Variants in ADAMTSL1 observed in about 807,000 individuals in gnomAD.
ADAMTSL1 encodes the protein ADAMTS-like protein 1.
A neutral mutation model predicts 201.8 loss-of-function variants in ADAMTSL1; 126 were observed. The observed-to-expected ratio is 0.62, with a 90% CI of 0.54 to 0.72. The LOEUF is 0.72. Ranked by LOEUF, ADAMTSL1 falls within the 30% of genes least tolerant of loss-of-function variation. The probability of loss-of-function intolerance (pLI) is 0.00; values close to 1 mark genes in which losing one functional copy is unlikely to be tolerated. For missense variants in ADAMTSL1, 2,679 were observed against 2,277.8 expected (o/e 1.18, Z -3.59); for synonymous variants, 1,121 against 903.4 (o/e 1.24, Z -4.32).
chr9:18,602,357 A>G (rs1171967687), intron 4 of ADAMTSL1, among the ~76,000 whole-genome samples: 2 of 152,244 alleles, frequency 1.3e-5, no homozygotes, highest in Non-Finnish European at 2.9e-5. Flanking sequence ...TCTTTAGCCA[A>G]AAGTTCACCA....
intron 1 of ADAMTSL1, among the ~76,000 whole-genome samples, chr9:18,036,343 A>G (rs997614519): frequency 2.0e-5 from 3 of 152,158 alleles, no homozygotes; most frequent in African/African-American, 7.2e-5. Context: ...TTCTCCGTAT[A>G]CTCTGCATTA....
chr9:17,977,126 T>A (rs1320114376), intron 1 of ADAMTSL1, among the ~76,000 whole-genome samples: 3 of 152,142 alleles, frequency 2.0e-5, no homozygotes, highest in Non-Finnish European at 4.4e-5. Flanking sequence ...TGTATCACAT[T>A]TATTGGTTTG....
chr9:18,906,816 C>T lies in ADAMTSL1; in HGVS notation c.5086C>T (p.His1696Tyr). The part of the protein sequence containing the change: ...GFQSRRVECV[H>Y]ARTNKAVPEH... ...CCAGTCCCGGCGTGTGGAGTGTGTG[C>T]ATGCCCGCACCAACAAGGCAGTGCC... Residue 1696 changes from histidine to tyrosine, a missense_variant, in exon 28 of 29, where the codon CAT (histidine) becomes TAT (tyrosine). Physicochemically the swap from His to Tyr is moderately conservative, Grantham distance 83 (BLOSUM62 2). Transcript: ENST00000380548. 1 of 1,614,026 alleles carries T rather than the reference C, an allele frequency of 6.2e-7. No homozygotes were observed. Among genetic ancestry groups the T allele is most frequent in the Non-Finnish European group, 8.5e-7 (1 of 1,179,892 alleles).
Position 18,201,317 on chromosome 9 carries a change from T to C in ADAMTSL1, c.207+37336T>C, listed in dbSNP as rs532824746. On this transcript the variant is annotated intron_variant, in intron 2 of 29. Transcript: ENST00000680146. The stretch of plus-strand genomic sequence containing the variant: ...GATTCTAGCCATGTACCTTCCAGTA[T>C]GTCTACTGTATTGGATGATGTCGAG... Among the ~76,000 whole-genome samples the C allele has an allele frequency of 2.0e-4, 30 of 152,256 alleles. No individual in the cohort carries two copies. The East Asian group carries it at 5.4e-3, about 27-fold the overall frequency.
chr9:18,228,403 A>G (rs568795590), intron 2 of ADAMTSL1, among the ~76,000 whole-genome samples: 2 of 150,870 alleles, frequency 1.3e-5, no homozygotes, highest in East Asian at 2.0e-4. Flanking sequence ...ACAAAGGTAA[A>G]TTCTTCTCCT....
intron 2 of ADAMTSL1, among the ~76,000 whole-genome samples, chr9:18,346,557 G>A (rs1835726948): frequency 1.3e-5 from 2 of 152,156 alleles, no homozygotes; most frequent in Admixed American, 6.5e-5. Context: ...ACTGTGCCTG[G>A]AACAGAAAAG....
intron 2 of ADAMTSL1, among the ~76,000 whole-genome samples, chr9:18,169,409 C>T (rs1332068828): frequency 6.6e-6 from 1 of 152,020 alleles, no homozygotes; most frequent in East Asian, 1.9e-4. Context: ...TTGTTTTTGT[C>T]AGGTTTGCCA....
chr9:18,554,392 G>A (rs558799051), intron 3 of ADAMTSL1, among the ~76,000 whole-genome samples: 46 of 151,502 alleles, frequency 3.0e-4, no homozygotes, highest in Non-Finnish European at 5.3e-4. Flanking sequence ...CATGATTGTT[G>A]GAATTTAAGA....
chr9:18,045,103 G>A (rs113630350), intron 1 of ADAMTSL1, among the ~76,000 whole-genome samples: 2 of 152,136 alleles, frequency 1.3e-5, no homozygotes, highest in African/African-American at 4.8e-5. Flanking sequence ...TGACCTCTCT[G>A]GGGCTCTAGT....
At chr9:18,117,190 T>C (rs479372) in intron 1 of ADAMTSL1, among the ~76,000 whole-genome samples, 152,241 of 152,306 alleles carry the variant, frequency 1, 76,088 homozygotes, top group Middle Eastern at 1. Context: ...TCTTTTGCCA[T>C]TCTCTAGCAG....
intron 1 of ADAMTSL1, among the ~76,000 whole-genome samples, chr9:17,931,912 A>C (rs574903369): frequency 6.6e-6 from 1 of 152,314 alleles, no homozygotes; most frequent in East Asian, 1.9e-4. Context: ...AAGATGGTGA[A>C]TAATCATCTT....
chr9:18,865,286 T>C (rs1022099603), intron 23 of ADAMTSL1, among the ~76,000 whole-genome samples: 57 of 151,914 alleles, frequency 3.8e-4, no homozygotes, highest in African/African-American at 1.2e-3. Flanking sequence ...TGAAAACATG[T>C]GGTGTTTGGT....
intron 13 of ADAMTSL1, among the ~76,000 whole-genome samples, chr9:18,692,944 G>C (rs1831321716): frequency 6.6e-6 from 1 of 152,156 alleles, no homozygotes; most frequent in Non-Finnish European, 1.5e-5. Flanking sequence ...AAGAAAGATG[G>C]TCTGAAACAA....
chr9:18,526,374 G>A (rs1466210031), intron 2 of ADAMTSL1, among the ~76,000 whole-genome samples: 1 of 152,184 alleles, frequency 6.6e-6, no homozygotes, highest in Non-Finnish European at 1.5e-5. Context: ...CACACTGATG[G>A]ATCTTGGCTC....
At chr9:18,608,732 A>G (rs1356616268) in intron 4 of ADAMTSL1, among the ~76,000 whole-genome samples, 1 of 152,140 alleles carries the variant, frequency 6.6e-6, no homozygotes, top group African/African-American at 2.4e-5. Context: ...CTGGCTCTGG[A>G]AATTTGGGGA....
At chr9:18,855,138 C>T (rs915233225) in intron 23 of ADAMTSL1, among the ~76,000 whole-genome samples, 26 of 152,182 alleles carry the variant, frequency 1.7e-4, no homozygotes, top group African/African-American at 6.3e-4. Context: ...CACAGAGCCT[C>T]AGAAACACGA....
At chr9:18,741,380 G>GA (rs959495324) in intron 15 of ADAMTSL1, among the ~76,000 whole-genome samples, 1 of 152,170 alleles carries the variant, frequency 6.6e-6, no homozygotes, top group African/African-American at 2.4e-5. Flanking sequence ...ATCATGAAAG[G>GA]AAAGAGGAGG....
chr9:18,580,899 G>A (rs890693432), intron 4 of ADAMTSL1, among the ~76,000 whole-genome samples: 3 of 151,838 alleles, frequency 2.0e-5, no homozygotes, highest in South Asian at 4.2e-4. Context: ...TGTAAATGGG[G>A]ACCTCTTGCT....
At chr9:18,524,556 A>C (rs560369222) in intron 2 of ADAMTSL1, among the ~76,000 whole-genome samples, 1 of 152,308 alleles carries the variant, frequency 6.6e-6, no homozygotes, top group East Asian at 1.9e-4. Flanking sequence ...TTGCCCATTC[A>C]GTATGATATT....
Sources: allele counts gnomAD v4.1 joint callset (sites outside exome capture counted in the v4.1 genomes callset), GRCh38; gene constraint gnomAD v4.1.1; transcripts MANE v1.5; gene names NCBI Gene and HGNC (gene_info 2026-07-23, HGNC 2026-07-21).